ANKRD12: variants seen among roughly 807,000 people sequenced by gnomAD.
The protein encoded by ANKRD12 is ankyrin repeat domain 12.
In ANKRD12, 85 loss-of-function variants were observed where a neutral mutation model predicts 183.4. That is an observed-to-expected ratio of 0.46 (90% CI 0.39 to 0.56). ANKRD12 has a LOEUF of 0.56. ANKRD12 is among the 20% of genes least tolerant of loss of function. The pLI is 0.00. For missense variants in ANKRD12, 2,405 were observed against 2,357.1 expected, an observed-to-expected ratio of 1.02 and a Z score of -0.42; for synonymous variants, 914 against 800.2, an observed-to-expected ratio of 1.14 and a Z score of -2.40.
chr18:9,216,116 T>C (rs544572985), intron 6 of ANKRD12, among the ~76,000 whole-genome samples: 10 of 152,106 alleles, frequency 6.6e-5, no homozygotes, highest in African/African-American at 2.4e-4. Context: ...AAAACATTTT[T>C]AGAGAAATGA....
intron 8 of ANKRD12, among the ~76,000 whole-genome samples, chr18:9,246,628 A>T (rs2037978364): frequency 6.6e-6 from 1 of 152,252 alleles, no homozygotes; most frequent in Admixed American, 6.5e-5. Flanking sequence ...TGTTAAACAA[A>T]TAAGGGATTA....
At position 9,211,645 on chromosome 18, in the gene ANKRD12, A is replaced by C; in HGVS notation, c.513A>C (p.Ser171=). The C allele has an allele frequency of 6.2e-7, 1 of 1,613,932 alleles. No homozygotes were observed. Among genetic ancestry groups the C allele is most frequent in the Non-Finnish European group, 8.5e-7 (1 of 1,179,900 alleles). The change falls in exon 6 of 13, where the codon TCA becomes TCC. Residue 171 remains serine, a synonymous_variant. Coordinates refer to ENST00000262126, the MANE Select transcript of ANKRD12 (RefSeq NM_015208.5). The stretch of plus-strand genomic sequence containing the variant: ...CCCAAAAGAAAACTCCCAGTTCTTC[A>C]TCTCGACAGAAAGATAAAGTTAATA... The part of the protein sequence containing the change: ...TPAQKKTPSS[S]SRQKDKVNKR...
intron 1 of ANKRD12, among the ~76,000 whole-genome samples, chr18:9,173,630 G>T (rs1050572765): frequency 2.7e-5 from 4 of 149,546 alleles, no homozygotes; most frequent in African/African-American, 7.4e-5. Flanking sequence ...GGGGGGGTAG[G>T]GGGGGCAGTA....
intron 9 of ANKRD12, chr18:9,260,255 T>C (rs1296128816): frequency 1.3e-5 from 2 of 152,244 alleles, no homozygotes; most frequent in Admixed American, 6.5e-5. Context: ...TTAGAAATTA[T>C]AAAGTGGAGG....
chr18:9,149,621 C>T (rs1308090705), intron 1 of ANKRD12, among the ~76,000 whole-genome samples: 1 of 151,890 alleles, frequency 6.6e-6, no homozygotes, highest in African/African-American at 2.4e-5. Flanking sequence ...ATGTATTTTA[C>T]CTAGATTTGG....
intron 4 of ANKRD12, among the ~76,000 whole-genome samples, chr18:9,208,172 G>T (rs779859262): frequency 6.6e-6 from 1 of 152,082 alleles, no homozygotes; most frequent in Non-Finnish European, 1.5e-5. Flanking sequence ...TTCGATAGTT[G>T]TTCTGTGTGA....
At chr18:9,151,266 G>A (rs1038628530) in intron 1 of ANKRD12, among the ~76,000 whole-genome samples, 1 of 152,004 alleles carries the variant, frequency 6.6e-6, no homozygotes, top group African/African-American at 2.4e-5. Context: ...CTGCTTGTTC[G>A]GTTTAAGTAG....
At chr18:9,151,244 G>T (rs1395358400) in intron 1 of ANKRD12, among the ~76,000 whole-genome samples, 1 of 152,114 alleles carries the variant, frequency 6.6e-6, no homozygotes, top group African/African-American at 2.4e-5. Context: ...TTAAAAATGT[G>T]AGGGAATTAA....
chr18:9,170,122 C>G (rs926119855), intron 1 of ANKRD12, among the ~76,000 whole-genome samples: 5 of 152,226 alleles, frequency 3.3e-5, no homozygotes, highest in South Asian at 4.1e-4. Flanking sequence ...GTAACCCCAC[C>G]TTTCTCTCTG....
intron 6 of ANKRD12, among the ~76,000 whole-genome samples, chr18:9,214,785 TG>T (rs898720199): frequency 1.3e-5 from 2 of 152,192 alleles, no homozygotes; most frequent in Non-Finnish European, 2.9e-5. Context: ...AAAGGAAATT[TG>T]TGAAGCCATT....
chr18:9,269,855 T>G (rs1341601579), intron 10 of ANKRD12, among the ~76,000 whole-genome samples: 1 of 149,836 alleles, frequency 6.7e-6, no homozygotes, highest in African/African-American at 2.5e-5. Context: ...GGGAGAAAAT[T>G]TTTGCAATCT....
At chr18:9,179,873 GT>G (rs2033571312) in intron 1 of ANKRD12, among the ~76,000 whole-genome samples, 2 of 152,280 alleles carry the variant, frequency 1.3e-5, no homozygotes, top group South Asian at 4.1e-4. Flanking sequence ...AATTAAATTT[GT>G]TAAAGTTTGT....
At chr18:9,152,590 T>G (rs2078718275) in intron 1 of ANKRD12, among the ~76,000 whole-genome samples, 1 of 152,116 alleles carries the variant, frequency 6.6e-6, no homozygotes, top group African/African-American at 2.4e-5. Context: ...GACTCTTGAT[T>G]AGTGAGTTTC....
At position 9,255,919 on chromosome 18, in the gene ANKRD12, A is replaced by T; in HGVS notation, c.2652A>T (p.Glu884Asp). ...YSHHTEKCHK[E>D]GEKSKNTAAI... ...ATCACACAGAAAAATGCCATAAAGAAGGTGAGAAGAGCAAAAATACTGCTG... is the reference window on the plus strand; with the variant it reads ...ATCACACAGAAAAATGCCATAAAGATGGTGAGAAGAGCAAAAATACTGCTG... The change falls in exon 9 of 13, where the codon GAA becomes GAT. Residue 884 changes from glutamate (E) to aspartate (D), a missense_variant. Glu to Asp is a conservative substitution (Grantham distance 45). This residue lies in a region of ANKRD12 where 1,983 missense variants were observed against 1,725.9 expected (regional missense o/e 1.15). Coordinates refer to ENST00000262126, the MANE Select transcript of ANKRD12 (RefSeq NM_015208.5). The T allele has an allele frequency of 1.3e-6, 2 of 1,590,212 alleles. No individual in the cohort carries two copies. The highest frequency in any genetic ancestry group is 2.7e-5 in the African/African-American group (2 of 73,390).
chr18:9,216,931 A>T, intron 7 of ANKRD12, 31 bp downstream of exon 7: 1 of 1,599,662 alleles, frequency 6.3e-7, no homozygotes, highest in Non-Finnish European at 8.5e-7. Flanking sequence ...TCAATAATAC[A>T]CATTTGCAAA....
At chr18:9,145,360 C>T (rs1294469415) in intron 1 of ANKRD12, among the ~76,000 whole-genome samples, 2 of 152,214 alleles carry the variant, frequency 1.3e-5, no homozygotes, top group Non-Finnish European at 2.9e-5. Flanking sequence ...TACAGCATTA[C>T]ATCTAGCATT....
At chr18:9,171,040 G>A (rs991799502) in intron 1 of ANKRD12, among the ~76,000 whole-genome samples, 10 of 152,188 alleles carry the variant, frequency 6.6e-5, no homozygotes, top group Non-Finnish European at 1.2e-4. Flanking sequence ...AACCGCAAAT[G>A]CTGCTGCCTG....
chr18:9,213,867 T>C (rs887015862), intron 6 of ANKRD12, among the ~76,000 whole-genome samples: 4 of 151,986 alleles, frequency 2.6e-5, no homozygotes, highest in Non-Finnish European at 4.4e-5. Flanking sequence ...TCAGGATTTT[T>C]GTTTACTGAA....
At position 9,255,077 on chromosome 18, in the gene ANKRD12, G is replaced by T; in HGVS notation, c.1810G>T (p.Glu604Ter). ...AAGTGTAAAATCTTGTAAGCATAAG[G>T]AAAAAAGCAAACATCAGAAAGATTT... ...SSSVKSCKHK[E>*]KSKHQKDFHL... The change falls in exon 9 of 13, where the codon GAA (glutamate) becomes TAA (stop). Residue 604 changes from glutamate to a stop codon, truncating the protein, a stop_gained. Coordinates refer to ENST00000262126, the MANE Select transcript of ANKRD12 (RefSeq NM_015208.5). LOFTEE classifies it high-confidence loss of function. 6.3e-7 allele frequency: 1 copy of T among 1,578,376 alleles called. No homozygotes were observed. Among genetic ancestry groups the T allele is most frequent in the South Asian group, 1.2e-5 (1 of 84,458 alleles).
Sources: allele counts gnomAD v4.1 joint callset (sites outside exome capture counted in the v4.1 genomes callset), GRCh38; gene constraint gnomAD v4.1.1; regional missense constraint gnomAD v4.1.1; transcripts MANE v1.5; gene names NCBI Gene and HGNC (gene_info 2026-07-23, HGNC 2026-07-21).